STON1: variants seen among roughly 807,000 people sequenced by gnomAD.
STON1 encodes the protein stonin-1.
A neutral mutation model predicts 60.9 loss-of-function variants in STON1; 79 were observed. The ratio of observed to expected loss-of-function variants is 1.30; its 90% CI spans 1.08 to 1.56. STON1 has a LOEUF of 1.56. Among genes scored for constraint, STON1 ranks in the 40% most tolerant of loss-of-function variants. The pLI is 0.00. For missense variants in STON1, 1,166 were observed against 858.9 expected (o/e 1.36, Z -4.47); for synonymous variants, 363 against 306.9 (o/e 1.18, Z -1.91).
At position 48,581,421 on chromosome 2, in the gene STON1, T is replaced by TC. The variant is rs747498108; in HGVS notation, c.793dup (p.His265ProfsTer20). ...GCTGAAGAAAATGCCTCTTCCTTTG[T>TC]CCCCCACACACTCTTCAGGAGTCAG... On this transcript the variant is annotated frameshift_variant, in exon 2 of 4. Coordinates refer to ENST00000404752, the MANE Select transcript of STON1 (RefSeq NM_006873.4). LOFTEE classifies it high-confidence loss of function. The TC allele has an allele frequency of 8.7e-6, 14 of 1,612,616 alleles. No homozygotes were observed. The South Asian group carries it at 1.4e-4, about 16-fold the overall frequency.
intron 1 of STON1, among the ~76,000 whole-genome samples, chr2:48,558,233 G>C (rs1358207372): frequency 3.3e-5 from 5 of 152,118 alleles, no homozygotes; most frequent in Admixed American, 1.3e-4. Context: ...TCTCAAAATA[G>C]AGAAAGAAAA....
chr2:48,544,740 T>G (rs189241583), intron 1 of STON1, among the ~76,000 whole-genome samples: 218 of 152,156 alleles, frequency 1.4e-3, no homozygotes, highest in Non-Finnish European at 2.8e-3. Context: ...GAAACAGGGG[T>G]TTCACCGTGC....
intron 1 of STON1, among the ~76,000 whole-genome samples, chr2:48,550,497 C>CAA (rs370025098): frequency 4.1e-4 from 46 of 113,026 alleles, no homozygotes; most frequent in Non-Finnish European, 5.7e-4. Flanking sequence ...AACTCTATCT[C>CAA]AAAAAAAAAA....
chr2:48,542,562 T>C (rs777800215), intron 1 of STON1, among the ~76,000 whole-genome samples: 2 of 152,212 alleles, frequency 1.3e-5, no homozygotes, highest in Non-Finnish European at 2.9e-5. Context: ...TTCCTCCCAT[T>C]ATCTCCACTC....
At chr2:48,591,878 C>G in intron 3 of STON1, 23 bp downstream of exon 3, 1 of 1,610,442 alleles carries the variant, frequency 6.2e-7, no homozygotes, top group Non-Finnish European at 8.5e-7. Flanking sequence ...ACTTCTAGAA[C>G]TGTGACCTGA....
chr2:48,574,249 A>C (rs948388697), intron 1 of STON1, among the ~76,000 whole-genome samples: 7 of 151,886 alleles, frequency 4.6e-5, no homozygotes, highest in Admixed American at 1.3e-4. Flanking sequence ...GGTGGCGTGC[A>C]CCTGTAATCC....
intron 2 of STON1, among the ~76,000 whole-genome samples, chr2:48,589,903 A>G (rs879758082): frequency 6.6e-6 from 1 of 152,222 alleles, no homozygotes; most frequent in Admixed American, 6.5e-5. Context: ...ATAGAATACT[A>G]CTGCCCCAGT....
chr2:48,578,580 CCTTTTT>C (rs1673676211), intron 1 of STON1, among the ~76,000 whole-genome samples: 3 of 59,982 alleles, frequency 5.0e-5, no homozygotes, highest in Non-Finnish European at 9.6e-5. Context: ...CCTCCTCCTT[CCTTTTT>C]TTTTTTTTTT....
chr2:48,580,530 A>C, intron 1 of STON1, 57 bp from the exon 2 acceptor site: 25 of 1,286,836 alleles, frequency 1.9e-5, no homozygotes, highest in South Asian at 6.7e-5. Context: ...ACATTTAGTA[A>C]TGATTCCCCC....
Position 48,581,781 on chromosome 2 carries a change from A to T in STON1, c.1148A>T (p.Tyr383Phe), listed in dbSNP as rs1432128525. ...EQMLKLGSTSYHDFLDFLTTV... is the reference protein window; with the variant it reads ...EQMLKLGSTSFHDFLDFLTTV... ...ATGCTGAAGTTGGGGTCCACATCGT[A>T]CCATGACTTCCTTGACTTTCTGACT... The change falls in exon 2 of 4, where the codon TAC becomes TTC. Residue 383 changes from tyrosine (Y) to phenylalanine (F), a missense_variant. By Grantham distance (22) the Tyr-to-Phe change is conservative. Transcript: ENST00000404752. 2 of 1,614,170 alleles carry T rather than the reference A, an allele frequency of 1.2e-6. No homozygotes were observed. The highest frequency in any genetic ancestry group is 3.3e-5 in the Admixed American group (2 of 60,018).
rs1673822069 is a variant in STON1 at position 48,580,660 on chromosome 2, G to C, written c.27G>C (p.Trp9Cys). 7.3e-7 allele frequency: 1 copy of C among 1,378,336 alleles called. No individual in the cohort carries two copies. The highest frequency in any genetic ancestry group is 9.4e-7 in the Non-Finnish European group (1 of 1,060,280). 85.4% of individuals were successfully genotyped at this position (1,378,336 alleles called of 1,614,324 possible). A position where few individuals can be genotyped will look rare whatever the true frequency, so the allele number is the denominator to read the frequency against. Residue 9 changes from tryptophan (W) to cysteine (C), a missense_variant, in exon 2 of 4, where the codon TGG becomes TGC. Transcript: ENST00000404752. Reference protein sequence around the residue: MCSTNPGKWVTFDDDPAVQ... With the variant: MCSTNPGKCVTFDDDPAVQ... ...TGTGCTCCACAAATCCAGGCAAATG[G>C]GTCACCTTTGATGATGATCCTGCTG...
chr2:48,586,449 CT>C (rs1403896707), intron 2 of STON1, among the ~76,000 whole-genome samples: 1 of 152,180 alleles, frequency 6.6e-6, no homozygotes, highest in East Asian at 1.9e-4. Context: ...TAGTTCCAGG[CT>C]TGGACAAACA....
intron 1 of STON1, among the ~76,000 whole-genome samples, chr2:48,562,232 T>G (rs1280105696): frequency 6.6e-6 from 1 of 152,202 alleles, no homozygotes; most frequent in Non-Finnish European, 1.5e-5. Context: ...ACTTGCTTGA[T>G]TAATTAGTTC....
intron 1 of STON1, among the ~76,000 whole-genome samples, chr2:48,573,130 C>A (rs1157831481): frequency 6.6e-6 from 1 of 152,168 alleles, no homozygotes; most frequent in East Asian, 1.9e-4. Context: ...AGACAGTGGG[C>A]TGGAGGGAGA....
At chr2:48,590,166 A>T (rs1204329610) in intron 2 of STON1, among the ~76,000 whole-genome samples, 1 of 152,164 alleles carries the variant, frequency 6.6e-6, no homozygotes, top group East Asian at 1.9e-4. Context: ...GTGTGTGTGT[A>T]TGAGAATGAA....
chr2:48,569,279 T>C (rs1021660051), intron 1 of STON1, among the ~76,000 whole-genome samples: 1 of 152,236 alleles, frequency 6.6e-6, no homozygotes, highest in African/African-American at 2.4e-5. Context: ...AATGTCTTCC[T>C]AACCCTAAAA....
chr2:48,596,695 T>C lies in STON1; in HGVS notation c.*1393T>C, dbSNP rs1030280311. 5 of 152,214 alleles carry C rather than the reference T, an allele frequency of 3.3e-5. No individual in the cohort carries two copies. Among genetic ancestry groups the C allele is most frequent in the African/African-American group, 1.2e-4 (5 of 41,456 alleles). 9.4% of individuals were successfully genotyped at this position (152,214 alleles called of 1,614,324 possible). On this transcript the variant is annotated 3_prime_UTR_variant, in exon 4 of 4. Coordinates refer to ENST00000404752, the MANE Select transcript of STON1 (RefSeq NM_006873.4). Reference sequence around the variant, plus strand: ...GTGTTTTTTTTAATATTTAATATTATATTACATTCATTGAAATCTGTTCAA... The same window carrying C: ...GTGTTTTTTTTAATATTTAATATTACATTACATTCATTGAAATCTGTTCAA...
chr2:48,581,422 C>G lies in STON1; in HGVS notation c.789C>G (p.Val263=). ...LCAEENASSF[V]PHTLFRSQPK... The stretch of plus-strand genomic sequence containing the variant: ...CTGAAGAAAATGCCTCTTCCTTTGT[C>G]CCCCACACACTCTTCAGGAGTCAGC... Residue 263 remains valine (V), a synonymous_variant, in exon 2 of 4, where the codon GTC becomes GTG. Transcript: ENST00000404752. 6.2e-7 allele frequency: 1 copy of G among 1,612,834 alleles called. No individual in the cohort carries two copies. The highest frequency in any genetic ancestry group is 8.5e-7 in the Non-Finnish European group (1 of 1,179,100).
At chr2:48,577,800 G>C (rs1325833111) in intron 1 of STON1, among the ~76,000 whole-genome samples, 4 of 151,414 alleles carry the variant, frequency 2.6e-5, no homozygotes, top group African/African-American at 7.3e-5. Context: ...ATTTTTAGTA[G>C]AGACGCGATT....
Sources: allele counts gnomAD v4.1 joint callset (sites outside exome capture counted in the v4.1 genomes callset), GRCh38; gene constraint gnomAD v4.1.1; transcripts MANE v1.5; gene names NCBI Gene and HGNC (gene_info 2026-07-23, HGNC 2026-07-21).